The following CMC2 variants were observed in gnomAD, a reference collection of about 807,000 sequenced individuals.
CMC2 encodes the protein C-X9-C motif containing 2.
CMC2 carries 5 observed loss-of-function variants against 7.5 expected under a neutral mutation model. The observed-to-expected ratio is 0.66, with a 90% CI of 0.35 to 1.40. The LOEUF is 1.40. Ranked by LOEUF, CMC2 falls within the 40% of genes most tolerant of loss-of-function variation. The pLI is 0.04. For synonymous variants in CMC2, 37 were observed against 31.4 expected, an observed-to-expected ratio of 1.18 and a Z score of -0.60; for missense variants, 115 against 92.3, an observed-to-expected ratio of 1.25 and a Z score of -1.01.
At chr16:81,000,513 A>T (rs1000495866) in intron 1 of CMC2, among the ~76,000 whole-genome samples, 2 of 151,898 alleles carry the variant, frequency 1.3e-5, no homozygotes, top group African/African-American at 4.8e-5. Context: ...CAAAACAAAT[A>T]AACAAATTTT....
chr16:81,005,738 A>C (rs1320148589), intron 1 of CMC2, among the ~76,000 whole-genome samples: 1 of 152,216 alleles, frequency 6.6e-6, no homozygotes, highest in Non-Finnish European at 1.5e-5. Flanking sequence ...TTCTCAGAGA[A>C]TGCGCCCTCG....
chr16:80,988,459 G>A, intron 2 of CMC2: 1 of 659,086 alleles, frequency 1.5e-6, no homozygotes, highest in Non-Finnish European at 2.7e-6. Context: ...TTTCAAACTT[G>A]AAGAAAAGTT....
rs1259602269 is a variant in CMC2 at position 81,001,518 on chromosome 16, T to TA, written c.-35-4090dup. Among the ~76,000 whole-genome samples the TA allele has an allele frequency of 2.6e-5, 4 of 152,104 alleles. No homozygotes were observed. In the East Asian group the frequency reaches 7.7e-4, roughly 29 times the overall value. On this transcript the variant is annotated intron_variant, in intron 1 of 3. Coordinates refer to ENST00000219400, the MANE Select transcript of CMC2 (RefSeq NM_020188.5). The stretch of plus-strand genomic sequence containing the variant: ...CTGTTTAACAAGCAGTTTTACAAGA[T>TA]AAAAAGTATTATGGAGATGGACGGT...
intron 2 of CMC2, among the ~76,000 whole-genome samples, chr16:80,989,384 T>G (rs1967794717): frequency 6.6e-6 from 1 of 152,182 alleles, no homozygotes; most frequent in Non-Finnish European, 1.5e-5. Flanking sequence ...GGATCCTTAT[T>G]CAATTGATTA....
chr16:81,002,614 G>T (rs1236584695), intron 1 of CMC2, among the ~76,000 whole-genome samples: 3 of 152,146 alleles, frequency 2.0e-5, no homozygotes, highest in African/African-American at 7.2e-5. Context: ...TACCTGAGAA[G>T]ACACTTGACT....
intron 2 of CMC2, 105 bp from the exon 3 acceptor site, chr16:80,981,982 T>C (rs923904284): frequency 1.6e-6 from 1 of 638,890 alleles, no homozygotes; most frequent in Non-Finnish European, 2.7e-6. Flanking sequence ...AGTGTCACTT[T>C]GTTAATAAAC....
rs1466723391 is a variant in CMC2, at chr16:80,972,661, A to G, written c.*3432T>C. Reference sequence around the variant, plus strand: ...ATTCTGCAAAACTAGATTTCTCAGGAAAACCTTGGCCTAAGTTCTTCAGCT... The same window carrying G: ...ATTCTGCAAAACTAGATTTCTCAGGGAAACCTTGGCCTAAGTTCTTCAGCT... On this transcript the variant is annotated 3_prime_UTR_variant, in exon 4 of 4. Coordinates refer to ENST00000219400, the MANE Select transcript of CMC2 (RefSeq NM_020188.5). The G allele has an allele frequency of 6.6e-6, 1 of 152,214 alleles. No individual in the cohort carries two copies. The highest frequency in any genetic ancestry group is 1.5e-5 in the Non-Finnish European group (1 of 68,044). The allele number at this position is 152,214 out of a possible 1,614,324, so 9.4% of individuals were successfully genotyped here.
chr16:80,994,594 A>G (rs1968259738), intron 2 of CMC2, among the ~76,000 whole-genome samples: 1 of 152,244 alleles, frequency 6.6e-6, no homozygotes, highest in African/African-American at 2.4e-5. Context: ...CATGAAAAGC[A>G]TGTCAAAATC....
chr16:80,996,575 C>G (rs1968432420), intron 2 of CMC2, among the ~76,000 whole-genome samples: 1 of 152,128 alleles, frequency 6.6e-6, no homozygotes, highest in Non-Finnish European at 1.5e-5. Flanking sequence ...TACTTACCAC[C>G]TTACTTTTGG....
intron 2 of CMC2, among the ~76,000 whole-genome samples, chr16:80,985,943 T>C (rs768801049): frequency 4.3e-5 from 6 of 140,666 alleles, no homozygotes; most frequent in Non-Finnish European, 7.6e-5. Flanking sequence ...GGGAAGGAGC[T>C]GTGGGAGAGT....
At position 80,970,224 on chromosome 16, in the gene CMC2, T is replaced by C. The variant is rs907245712; in HGVS notation, c.*5869A>G. ...ACCCCACCATTTCTGCTCTGATCCA[T>C]ACCAGAAAATGGATGCTTCATGGAC... is the stretch of plus-strand genomic sequence containing the variant. On this transcript the variant is annotated 3_prime_UTR_variant, in exon 4 of 4. Transcript: ENST00000219400. 7.2e-5 allele frequency: 11 copies of C among 152,228 alleles called. No homozygotes were observed. The highest frequency in any genetic ancestry group is 2.7e-4 in the African/African-American group (11 of 41,456). The allele number at this position is 152,228 out of a possible 1,614,324, so 9.4% of individuals were successfully genotyped here.
At chr16:80,996,205 A>C (rs1416097964) in intron 2 of CMC2, among the ~76,000 whole-genome samples, 1 of 152,210 alleles carries the variant, frequency 6.6e-6, no homozygotes, top group Non-Finnish European at 1.5e-5. Context: ...AAAAAGCACA[A>C]CATAAATCTA....
rs1474265482 is a variant in CMC2, at chr16:80,970,475, C to G, written c.*5618G>C. 1 of 152,132 alleles carries G rather than the reference C, an allele frequency of 6.6e-6. No homozygotes were observed. Among genetic ancestry groups the G allele is most frequent in the Non-Finnish European group, 1.5e-5 (1 of 68,026 alleles). The allele number at this position is 152,132 out of a possible 1,614,324, so 9.4% of individuals were successfully genotyped here. ...TCCTTAGGGAGGAACAGACATCTTCCAAAAACCTACTACAAATTTGCTACT... is the reference window on the plus strand; with the variant it reads ...TCCTTAGGGAGGAACAGACATCTTCGAAAAACCTACTACAAATTTGCTACT... On this transcript the variant is annotated 3_prime_UTR_variant, in exon 4 of 4. Coordinates refer to ENST00000219400, the MANE Select transcript of CMC2 (RefSeq NM_020188.5).
chr16:80,980,663 G>A, intron 3 of CMC2: 1 of 504,504 alleles, frequency 2.0e-6, no homozygotes, highest in Non-Finnish European at 3.5e-6. Flanking sequence ...GCCAAGGTGG[G>A]AGGACTGCTT....
chr16:80,972,282 G>A lies in CMC2; in HGVS notation c.*3811C>T, dbSNP rs959339512. The A allele has an allele frequency of 1.1e-4, 17 of 152,298 alleles. No individual in the cohort carries two copies. Among genetic ancestry groups the A allele is most frequent in the African/African-American group, 3.9e-4 (16 of 41,552 alleles). The allele number at this position is 152,298 out of a possible 1,614,324, so 9.4% of individuals were successfully genotyped here. On this transcript the variant is annotated 3_prime_UTR_variant, in exon 4 of 4. Transcript: ENST00000219400. Reference sequence around the variant, plus strand: ...TTCCCTGAATATGATATCATTTAAGGGGCACAAATTTCAATATCAGGGTTT... The same window carrying A: ...TTCCCTGAATATGATATCATTTAAGAGGCACAAATTTCAATATCAGGGTTT...
chr16:81,003,511 G>A (rs1969018639), intron 1 of CMC2, among the ~76,000 whole-genome samples: 1 of 152,116 alleles, frequency 6.6e-6, no homozygotes, highest in African/African-American at 2.4e-5. Flanking sequence ...TTTTCATAGA[G>A]AAACTAAGCC....
chr16:80,998,100 GTT>G lies in CMC2; in HGVS notation c.-35-673_-35-672del, dbSNP rs1331712451. Reference sequence around the variant, plus strand: ...CAAAGGAAAAACATCATGGGCAGCTGTTCTTTTTTTTTTTTTTTTTTTGTAGT... The same window carrying G: ...CAAAGGAAAAACATCATGGGCAGCTGCTTTTTTTTTTTTTTTTTTTGTAGT... On this transcript the variant is annotated intron_variant, in intron 1 of 3. Transcript: ENST00000219400. The G allele has an allele frequency of 3.3e-5, 4 of 122,456 alleles. No individual in the cohort carries two copies. In the East Asian group the frequency reaches 7.1e-4, roughly 22 times the overall value. The allele number at this position is 122,456 out of a possible 1,614,324, so 7.6% of individuals were successfully genotyped here.
chr16:80,985,279 T>C (rs1429213248), intron 2 of CMC2, among the ~76,000 whole-genome samples: 2 of 152,196 alleles, frequency 1.3e-5, no homozygotes, highest in African/African-American at 4.8e-5. Flanking sequence ...TTTGTTCATT[T>C]TCATCCTCCC....
At chr16:81,001,889 G>T (rs747982292) in intron 1 of CMC2, among the ~76,000 whole-genome samples, 28 of 151,830 alleles carry the variant, frequency 1.8e-4, no homozygotes, top group Non-Finnish European at 3.4e-4. Context: ...CACAAATAAA[G>T]CCATTGCACC....
Sources: allele counts gnomAD v4.1 joint callset (sites outside exome capture counted in the v4.1 genomes callset), GRCh38; gene constraint gnomAD v4.1.1; transcripts MANE v1.5; gene names NCBI Gene and HGNC (gene_info 2026-07-23, HGNC 2026-07-21).